Variants in MAP6 observed in about 807,000 individuals in gnomAD.
The protein encoded by MAP6 is microtubule associated protein 6.
A neutral mutation model predicts 42.4 loss-of-function variants in MAP6; 26 were observed. That is an observed-to-expected ratio of 0.61 (90% CI 0.45 to 0.85). The LOEUF (loss-of-function observed/expected upper bound fraction) is 0.85, where lower values mean the gene tolerates loss of function less well. Among genes scored for constraint, MAP6 ranks in the 40% least tolerant of loss-of-function variants. The pLI is 0.00. For synonymous variants in MAP6, 418 were observed against 443.8 expected (o/e 0.94, Z 0.73); for missense variants, 966 against 1,099.0 (o/e 0.88, Z 1.71).
intron 1 of MAP6, among the ~76,000 whole-genome samples, chr11:75,635,276 G>A (rs1289395993): frequency 6.6e-6 from 1 of 152,162 alleles, no homozygotes; most frequent in Admixed American, 6.5e-5. Flanking sequence ...CTTGTGACAG[G>A]ACAGAACGTG....
chr11:75,660,793 A>C (rs1943830898), intron 1 of MAP6, among the ~76,000 whole-genome samples: 1 of 152,180 alleles, frequency 6.6e-6, no homozygotes, highest in South Asian at 2.1e-4. Flanking sequence ...CAAACTTCTT[A>C]GCCAGGAATA....
intron 1 of MAP6, among the ~76,000 whole-genome samples, chr11:75,646,000 A>G (rs933280220): frequency 1.3e-5 from 2 of 151,704 alleles, no homozygotes; most frequent in African/African-American, 4.8e-5. Flanking sequence ...ACTAGATGAG[A>G]AATTCATGGA....
At chr11:75,603,628 T>G (rs947535589) in intron 3 of MAP6, 2 of 982,514 alleles carry the variant, frequency 2.0e-6, no homozygotes, top group Non-Finnish European at 2.4e-6. Context: ...TGTGGGACCC[T>G]TATGTCAAAC....
At chr11:75,592,872 GC>G (rs758521953) in intron 3 of MAP6, among the ~76,000 whole-genome samples, 1 of 152,010 alleles carries the variant, frequency 6.6e-6, no homozygotes, top group Non-Finnish European at 1.5e-5. Context: ...GGCTTTCTGT[GC>G]CCAGCATTCT....
intron 1 of MAP6, among the ~76,000 whole-genome samples, chr11:75,639,856 C>A (rs1464401551): frequency 6.6e-6 from 1 of 152,198 alleles, no homozygotes; most frequent in Non-Finnish European, 1.5e-5. Context: ...CACAGCTGTG[C>A]AGTCACTGTT....
chr11:75,644,247 A>G (rs1400288111), intron 1 of MAP6, among the ~76,000 whole-genome samples: 1 of 152,194 alleles, frequency 6.6e-6, no homozygotes, highest in African/African-American at 2.4e-5. Flanking sequence ...CATAGGCTTC[A>G]GAGTACCAAT....
intron 1 of MAP6, among the ~76,000 whole-genome samples, chr11:75,641,966 T>G (rs575097142): frequency 1.3e-5 from 2 of 152,366 alleles, no homozygotes; most frequent in Middle Eastern, 3.4e-3. Flanking sequence ...CTAAATTTTC[T>G]GGAATTTTAT....
chr11:75,644,534 T>C (rs1943524946), intron 1 of MAP6, among the ~76,000 whole-genome samples: 1 of 152,184 alleles, frequency 6.6e-6, no homozygotes. Flanking sequence ...CTTTATTATC[T>C]CTTAATACCA....
chr11:75,649,236 T>G (rs980210654), intron 1 of MAP6, among the ~76,000 whole-genome samples: 1 of 152,214 alleles, frequency 6.6e-6, no homozygotes, highest in African/African-American at 2.4e-5. Context: ...TATGGGTATT[T>G]ACGTATATGT....
Position 75,588,214 on chromosome 11 carries a change from A to C in MAP6, c.1317-30T>G, listed in dbSNP as rs759695846. 1.6e-5 allele frequency: 26 copies of C among 1,588,626 alleles called. No homozygotes were observed. In the East Asian group the frequency reaches 5.8e-4, roughly 36 times the overall value. On this transcript the variant is annotated intron_variant, in intron 3 of 3. Transcript: ENST00000304771. ...AAAGGAGAGAGAGGTGATCACTGTG[A>C]GAGTAGAGCTCAGGCAGGGACAGGG...
chr11:75,607,402 G>A (rs758488430), intron 2 of MAP6: 1 of 985,456 alleles, frequency 1.0e-6, no homozygotes, highest in Non-Finnish European at 1.2e-6. Flanking sequence ...TAGATTGCAT[G>A]GCTTATATGA....
chr11:75,653,027 AT>A (rs1284483861), intron 1 of MAP6, among the ~76,000 whole-genome samples: 1 of 151,566 alleles, frequency 6.6e-6, no homozygotes, highest in African/African-American at 2.4e-5. Context: ...ATGATGCCTC[AT>A]TTTTTTCTCT....
At chr11:75,600,350 G>C (rs576323996) in intron 3 of MAP6, among the ~76,000 whole-genome samples, 20 of 152,288 alleles carry the variant, frequency 1.3e-4, no homozygotes, top group Admixed American at 5.2e-4. Context: ...AAATGCCTAA[G>C]TGCACTGTCC....
At chr11:75,647,451 G>A (rs1377301968) in intron 1 of MAP6, among the ~76,000 whole-genome samples, 1 of 150,518 alleles carries the variant, frequency 6.6e-6, no homozygotes, top group Non-Finnish European at 1.5e-5. Flanking sequence ...TCGAAAAGGA[G>A]TAAAGAAAAA....
chr11:75,646,525 G>GAAAC (rs1943556159), intron 1 of MAP6, among the ~76,000 whole-genome samples: 4 of 140,306 alleles, frequency 2.9e-5, no homozygotes, highest in African/African-American at 5.4e-5. Flanking sequence ...AAAAAAAAAG[G>GAAAC]CAAGAGCAGT....
chr11:75,602,530 G>A (rs946086762), intron 3 of MAP6, among the ~76,000 whole-genome samples: 1 of 152,234 alleles, frequency 6.6e-6, no homozygotes, highest in Non-Finnish European at 1.5e-5. Flanking sequence ...CCAGTCGACA[G>A]GAAGGAGGCA....
In MAP6 at chr11:75,667,762, C is replaced by T. The variant is rs1943982696; in HGVS notation, c.608G>A (p.Arg203His). Residue 203 changes from arginine to histidine, a missense_variant, in exon 1 of 4, where the codon CGC becomes CAC. Physicochemically the swap from Arg to His is conservative, Grantham distance 29. Transcript: ENST00000304771. This position sits in a 1 kb window ranked among gnomAD's most constrained non-coding sequence, Gnocchi z 5.6. ...CTCAGCGGCGGCCTGCACTGGCCAG[C>T]GCTCCTGGCTCTGCGGCCGGCGCTT... ...APKRRPQSQE[R>H]WPVQAAAEAR... The T allele has an allele frequency of 1.5e-6, 2 of 1,308,896 alleles. No homozygotes were observed. The highest frequency in any genetic ancestry group is 4.3e-5 in the South Asian group (2 of 46,302). 81.1% of individuals were successfully genotyped at this position (1,308,896 alleles called of 1,614,324 possible).
At chr11:75,616,405 C>T (rs1030261864) in intron 1 of MAP6, among the ~76,000 whole-genome samples, 8 of 152,168 alleles carry the variant, frequency 5.3e-5, no homozygotes, top group African/African-American at 1.2e-4. Flanking sequence ...TACAGATTTT[C>T]GTAGGTGATT....
At chr11:75,613,474 C>G (rs773098848) in intron 1 of MAP6, among the ~76,000 whole-genome samples, 24 of 152,178 alleles carry the variant, frequency 1.6e-4, no homozygotes, top group Non-Finnish European at 1.9e-4. Flanking sequence ...GGTCCCATAT[C>G]CGTGAGTTTC....
Sources: allele counts gnomAD v4.1 joint callset (sites outside exome capture counted in the v4.1 genomes callset), GRCh38; gene constraint gnomAD v4.1.1; non-coding constraint Gnocchi (gnomAD v3.1); transcripts MANE v1.5; gene names NCBI Gene and HGNC (gene_info 2026-07-23, HGNC 2026-07-21).